DYNLRB1: variants seen among roughly 807,000 people sequenced by gnomAD.
DYNLRB1 encodes ROBL/LC7-like 1.
Under a neutral mutation model 13.5 loss-of-function variants are expected in DYNLRB1, and 6 were observed. That is an observed-to-expected ratio of 0.44 (90% CI 0.24 to 0.88). The LOEUF (loss-of-function observed/expected upper bound fraction) is 0.88. Among genes scored for constraint, DYNLRB1 ranks in the 40% least tolerant of loss-of-function variants. The pLI, the probability that DYNLRB1 is intolerant of heterozygous loss-of-function variation, is 0.21. For missense variants in DYNLRB1, 93 were observed against 127.2 expected (o/e 0.73, Z 1.29); for synonymous variants, 43 against 45.0 (o/e 0.96, Z 0.18).
intron 2 of DYNLRB1, among the ~76,000 whole-genome samples, chr20:34,527,164 T>G (rs1345479106): frequency 6.6e-6 from 1 of 152,188 alleles, no homozygotes; most frequent in Non-Finnish European, 1.5e-5. Context: ...CAGTCGAGAT[T>G]TAAATCCAAG....
chr20:34,536,779 C>G (rs1272199939), intron 3 of DYNLRB1, among the ~76,000 whole-genome samples: 1 of 149,648 alleles, frequency 6.7e-6, no homozygotes, highest in East Asian at 2.0e-4. Flanking sequence ...GGGCCGGGAA[C>G]AGTCCCCCTG....
At chr20:34,519,896 G>A (rs1019716120) in intron 1 of DYNLRB1, among the ~76,000 whole-genome samples, 3 of 152,202 alleles carry the variant, frequency 2.0e-5, no homozygotes, top group African/African-American at 7.2e-5. Flanking sequence ...CACTTTGGGA[G>A]GCCAAGGTGG....
At chr20:34,524,091 T>C (rs560251105) in intron 1 of DYNLRB1, among the ~76,000 whole-genome samples, 1 of 152,324 alleles carries the variant, frequency 6.6e-6, no homozygotes, top group East Asian at 1.9e-4. Flanking sequence ...TAGACTTCTT[T>C]TGGATGCATA....
chr20:34,516,964 G>A (rs1979273800), intron 1 of DYNLRB1: 1 of 1,338,398 alleles, frequency 7.5e-7, no homozygotes, highest in Admixed American at 3.2e-5. Context: ...GGAAATAGTG[G>A]AGATGGATTT....
intron 3 of DYNLRB1, among the ~76,000 whole-genome samples, chr20:34,539,130 C>T (rs1183924341): frequency 6.6e-6 from 1 of 152,196 alleles, no homozygotes; most frequent in Non-Finnish European, 1.5e-5. Context: ...TAGGCACAAT[C>T]GGTAACATCA....
upstream of DYNLRB1, chr20:34,516,393 C>T: frequency 3.1e-6 from 5 of 1,597,400 alleles, no homozygotes; most frequent in Middle Eastern, 1.7e-4. Flanking sequence ...GAAACCTTTG[C>T]GCAGGCGCAG....
At chr20:34,529,611 C>G (rs1020515146) in intron 2 of DYNLRB1, among the ~76,000 whole-genome samples, 1 of 151,958 alleles carries the variant, frequency 6.6e-6, no homozygotes, top group African/African-American at 2.4e-5. Context: ...CACCTGTAAT[C>G]CCAGCTATTC....
At chr20:34,523,560 C>T (rs915143112) in intron 1 of DYNLRB1, among the ~76,000 whole-genome samples, 3 of 152,152 alleles carry the variant, frequency 2.0e-5, no homozygotes, top group African/African-American at 7.2e-5. Context: ...TTGGTGCTGT[C>T]TGGAACACTC....
chr20:34,536,400 C>T, intron 3 of DYNLRB1: 1 of 985,348 alleles, frequency 1.0e-6, no homozygotes, highest in Non-Finnish European at 1.2e-6. Context: ...AACTGCAGTT[C>T]CTCCCAGGTT....
At chr20:34,521,437 A>G (rs912973653) in intron 1 of DYNLRB1, among the ~76,000 whole-genome samples, 1 of 150,966 alleles carries the variant, frequency 6.6e-6, no homozygotes, top group African/African-American at 2.4e-5. Context: ...GTTCTTAGTC[A>G]TTTTGTGTTT....
intron 3 of DYNLRB1, 64 bp downstream of exon 3, chr20:34,534,859 A>C: frequency 6.2e-7 from 1 of 1,610,258 alleles, no homozygotes; most frequent in Non-Finnish European, 8.5e-7. Flanking sequence ...GTGGCTCATC[A>C]GGAGTCCTGG....
intron 1 of DYNLRB1, among the ~76,000 whole-genome samples, chr20:34,523,948 T>C (rs1053097008): frequency 6.6e-6 from 1 of 152,210 alleles, no homozygotes; most frequent in African/African-American, 2.4e-5. Flanking sequence ...TTCTGACATC[T>C]CGGTTTTCAC....
chr20:34,537,410 A>G (rs964730134), intron 3 of DYNLRB1, among the ~76,000 whole-genome samples: 34 of 152,184 alleles, frequency 2.2e-4, no homozygotes, highest in African/African-American at 7.5e-4. Flanking sequence ...GTAAGCACAT[A>G]GTAAGCATCT....
chr20:34,529,742 A>AG, intron 2 of DYNLRB1: 1 of 1,127,480 alleles, frequency 8.9e-7, no homozygotes, highest in East Asian at 3.2e-5. Flanking sequence ...AAAAAAAAAA[A>AG]AAATGTTGAT....
chr20:34,535,209 A>G (rs1981046796), intron 3 of DYNLRB1: 1 of 985,444 alleles, frequency 1.0e-6, no homozygotes, highest in African/African-American at 1.7e-5. Context: ...AGGGGCGGAA[A>G]GCCACGTTTG....
intron 3 of DYNLRB1, among the ~76,000 whole-genome samples, chr20:34,538,786 C>CA (rs1771779555): frequency 6.6e-6 from 1 of 152,220 alleles, no homozygotes; most frequent in Admixed American, 6.5e-5. Flanking sequence ...TGGCTCTGAA[C>CA]AGCCACAAAG....
upstream of DYNLRB1, chr20:34,516,418 C>G (rs780387294): frequency 6.8e-6 from 11 of 1,612,066 alleles, 1 homozygote; most frequent in East Asian, 2.0e-4. Context: ...GCACAGGACT[C>G]GCTAAGTGTT....
At chr20:34,533,519 T>C (rs758134537) in intron 2 of DYNLRB1, 67 of 985,318 alleles carry the variant, frequency 6.8e-5, no homozygotes, top group Non-Finnish European at 8.0e-5. Context: ...TCTTCTACTT[T>C]TTAGTGTGTA....
chr20:34,538,706 T>TA (rs555039731), intron 3 of DYNLRB1, among the ~76,000 whole-genome samples: 170 of 152,370 alleles, frequency 1.1e-3, no homozygotes, highest in Admixed American at 2.4e-3. Flanking sequence ...ATGAAACTGT[T>TA]AGTCACTTCA....
Sources: allele counts gnomAD v4.1 joint callset (sites outside exome capture counted in the v4.1 genomes callset), GRCh38; gene constraint gnomAD v4.1.1; transcripts MANE v1.5; gene names NCBI Gene and HGNC (gene_info 2026-07-23, HGNC 2026-07-21).